The following NELL1 variants were observed in gnomAD, a reference collection of about 807,000 sequenced individuals.
The protein encoded by NELL1 is neural EGFL like 1.
Under a neutral mutation model 107.4 loss-of-function variants are expected in NELL1, and 76 were observed. That is an observed-to-expected ratio of 0.71 (90% confidence interval 0.59 to 0.86). The LOEUF is 0.86. NELL1 is among the 40% of genes least tolerant of loss of function. The probability of loss-of-function intolerance (pLI) is 0.00; values close to 1 mark genes in which losing one functional copy is unlikely to be tolerated. For missense variants in NELL1, 1,024 were observed against 1,005.5 expected (o/e 1.02, Z -0.25); for synonymous variants, 353 against 341.2 (o/e 1.03, Z -0.38).
At chr11:20,808,721 G>A (rs906902305) in intron 3 of NELL1, among the ~76,000 whole-genome samples, 1 of 152,228 alleles carries the variant, frequency 6.6e-6, no homozygotes, top group Non-Finnish European at 1.5e-5. Context: ...CTTCTAGCTA[G>A]AGCTTGACTA....
chr11:21,493,765 A>G (rs923937452), intron 15 of NELL1, among the ~76,000 whole-genome samples: 1 of 152,108 alleles, frequency 6.6e-6, no homozygotes, highest in African/African-American at 2.4e-5. Context: ...AATGTTACCA[A>G]CATAAAGAAA....
chr11:21,165,504 C>A (rs976200549), intron 13 of NELL1, among the ~76,000 whole-genome samples: 17 of 152,112 alleles, frequency 1.1e-4, no homozygotes, highest in African/African-American at 3.9e-4. Flanking sequence ...TCTCTGTTCT[C>A]AGTTTGGAGG....
At chr11:21,454,766 T>C (rs374450318) in intron 15 of NELL1, among the ~76,000 whole-genome samples, 2 of 152,330 alleles carry the variant, frequency 1.3e-5, no homozygotes, top group South Asian at 4.1e-4. Context: ...TGTCCTCATA[T>C]GATAGAGAAA....
At chr11:21,325,612 A>T (rs1380357557) in intron 14 of NELL1, among the ~76,000 whole-genome samples, 1 of 151,928 alleles carries the variant, frequency 6.6e-6, no homozygotes, top group African/African-American at 2.4e-5. Flanking sequence ...ATATTAACTT[A>T]TTTTGCTCAT....
intron 4 of NELL1, among the ~76,000 whole-genome samples, chr11:20,860,652 T>C (rs2134073041): frequency 6.6e-6 from 1 of 152,312 alleles, no homozygotes; most frequent in East Asian, 1.9e-4. Context: ...CCTAGCAGTT[T>C]TTGCTTTGAA....
At chr11:21,211,711 G>A (rs914019788) in intron 13 of NELL1, among the ~76,000 whole-genome samples, 2 of 152,084 alleles carry the variant, frequency 1.3e-5, no homozygotes, top group Non-Finnish European at 1.5e-5. Flanking sequence ...GAGATACTTA[G>A]GAAGAAAAAT....
intron 14 of NELL1, among the ~76,000 whole-genome samples, chr11:21,345,685 G>A (rs1850668201): frequency 1.3e-5 from 2 of 152,146 alleles, no homozygotes; most frequent in South Asian, 2.1e-4. Flanking sequence ...GCAGTAGCAC[G>A]ACTTCGCTGA....
chr11:21,406,291 T>A (rs561822737), intron 15 of NELL1, among the ~76,000 whole-genome samples: 7 of 152,142 alleles, frequency 4.6e-5, no homozygotes, highest in African/African-American at 1.7e-4. Flanking sequence ...TGTTGAAAGT[T>A]CTGTACGTGT....
rs572399186 is a variant in NELL1, at chr11:21,320,594, T to C, written c.1550-50259T>C. On this transcript the variant is annotated intron_variant, in intron 14 of 19. Coordinates refer to ENST00000357134, the MANE Select transcript of NELL1 (RefSeq NM_006157.5). The stretch of plus-strand genomic sequence containing the variant: ...TATTTGACAGATGAAGACACTGTAC[T>C]AAAGTGGTTGGCTGGAATTGCTGTT... 1.1e-4 allele frequency among the ~76,000 whole-genome samples: 16 copies of C among 152,318 alleles called. 1 individual carries two copies. In the Middle Eastern group the frequency reaches 0.017, roughly 162 times the overall value.
At chr11:20,993,911 A>T (rs1852033787) in intron 12 of NELL1, among the ~76,000 whole-genome samples, 1 of 146,384 alleles carries the variant, frequency 6.8e-6, no homozygotes, top group African/African-American at 2.5e-5. Context: ...AAAAAAAAAA[A>T]TCAGTACGAA....
At chr11:20,961,540 A>G (rs1590467117) in intron 12 of NELL1, among the ~76,000 whole-genome samples, 1 of 152,184 alleles carries the variant, frequency 6.6e-6, no homozygotes, top group East Asian at 1.9e-4. Flanking sequence ...TGGCTCTCAG[A>G]TAGGTCAGGT....
chr11:21,321,523 T>C (rs1850010688), intron 14 of NELL1, among the ~76,000 whole-genome samples: 1 of 152,154 alleles, frequency 6.6e-6, no homozygotes, highest in South Asian at 2.1e-4. Context: ...TGGTTAAAAG[T>C]AAAAAATAAC....
chr11:20,855,575 G>A (rs1318461597), intron 4 of NELL1, among the ~76,000 whole-genome samples: 1 of 152,128 alleles, frequency 6.6e-6, no homozygotes, highest in Non-Finnish European at 1.5e-5. Flanking sequence ...CTATATAGAT[G>A]AATGGAGGGG....
intron 12 of NELL1, among the ~76,000 whole-genome samples, chr11:21,110,516 G>C (rs975760548): frequency 2.0e-5 from 3 of 152,116 alleles, no homozygotes; most frequent in Non-Finnish European, 4.4e-5. Context: ...ATCTAGATGA[G>C]GCAGAGGCCT....
chr11:21,185,242 T>C (rs1451943754), intron 13 of NELL1, among the ~76,000 whole-genome samples: 2 of 151,814 alleles, frequency 1.3e-5, no homozygotes, highest in Non-Finnish European at 1.5e-5. Flanking sequence ...TGTTTCTATT[T>C]TGAATTCTTT....
chr11:21,299,791 T>G, intron 14 of NELL1, among the ~76,000 whole-genome samples: 1 of 152,002 alleles, frequency 6.6e-6, no homozygotes, highest in South Asian at 2.1e-4. Context: ...CTAAGAAGAC[T>G]TTATTTATGG....
At chr11:20,867,217 A>G (rs1849111876) in intron 4 of NELL1, among the ~76,000 whole-genome samples, 1 of 152,200 alleles carries the variant, frequency 6.6e-6, no homozygotes, top group East Asian at 1.9e-4. Flanking sequence ...TTTAAGAGAA[A>G]GGCTGTGTTT....
rs571614932 is a variant in NELL1 at position 21,006,511 on chromosome 11, A to T, written c.1300+45951A>T. 6.6e-5 allele frequency among the ~76,000 whole-genome samples: 10 copies of T among 152,142 alleles called. No individual in the cohort carries two copies. In the South Asian group the frequency reaches 2.1e-3, roughly 32 times the overall value. On this transcript the variant is annotated intron_variant, in intron 12 of 19. Coordinates refer to ENST00000357134, the MANE Select transcript of NELL1 (RefSeq NM_006157.5). ...TAAGACAGGATTTCTTCTGTATGTT[A>T]TTTTCCTGGTGGTATTCAAAAAACA...
At chr11:21,487,516 T>TGACA (rs1337206686) in intron 15 of NELL1, among the ~76,000 whole-genome samples, 1 of 152,100 alleles carries the variant, frequency 6.6e-6, no homozygotes, top group African/African-American at 2.4e-5. Context: ...ACTGTAATAC[T>TGACA]GACAGGTAAA....
Sources: gnomAD v4.1 joint callset for allele counts (sites outside exome capture counted in the v4.1 genomes callset) on GRCh38, gnomAD v4.1.1 for gene constraint, MANE v1.5 for transcripts, NCBI Gene and HGNC (gene_info 2026-07-23, HGNC 2026-07-21) for gene names.